ITPR3: variants seen among roughly 807,000 people sequenced by gnomAD.
The protein encoded by ITPR3 is inositol 1,4,5-trisphosphate receptor type 3.
A neutral mutation model predicts 293.2 loss-of-function variants in ITPR3; 173 were observed. That is an observed-to-expected ratio of 0.59 (90% CI 0.52 to 0.67). ITPR3 has a LOEUF of 0.67. Among genes scored for constraint, ITPR3 ranks in the 30% least tolerant of loss-of-function variants. The pLI, the probability that ITPR3 is intolerant of heterozygous loss-of-function variation, is 0.00. For synonymous variants in ITPR3, 1,295 were observed against 1,444.4 expected (o/e 0.90, Z 2.35); for missense variants, 2,796 against 3,592.1 (o/e 0.78, Z 5.66).
Position 33,692,066 on chromosome 6 carries a change from C to G in ITPR3, c.7458+138C>G. 2 of 1,144,848 alleles carry G rather than the reference C, an allele frequency of 1.7e-6. No individual in the cohort carries two copies. The highest frequency in any genetic ancestry group is 2.7e-5 in the South Asian group (2 of 73,492). The allele number at this position is 1,144,848 out of a possible 1,614,324, so 70.9% of individuals were successfully genotyped here. On this transcript the variant is annotated intron_variant, in intron 54 of 57. Transcript: ENST00000605930. This position sits in a 1 kb window ranked among gnomAD's most constrained non-coding sequence, Gnocchi z 4.2. ...TCCCCCGAACTTGTATCCACTTTTC[C>G]CTGCTTTCCACACCTGGCCAATTCC... is the stretch of plus-strand genomic sequence containing the variant.
In ITPR3 at chr6:33,676,773, G is replaced by A. The variant is rs1440244374; in HGVS notation, c.3288G>A (p.Gln1096=). The change falls in exon 26 of 58, where the codon CAG becomes CAA. Residue 1096 remains glutamine, a synonymous_variant. Coordinates refer to ENST00000605930, the MANE Select transcript of ITPR3 (RefSeq NM_002224.4). ...GGCCCATCCTCCACCTTCAGGTTCA[G>A]CTGCTGATCTCAGCGCAGGACGTGG... ...QEAMHTFKQV[Q]LLISAQDVEN... is the part of the protein sequence containing the mutation. 1.2e-6 allele frequency: 2 copies of A among 1,614,160 alleles called. No homozygotes were observed. Among genetic ancestry groups the A allele is most frequent in the Admixed American group, 3.3e-5 (2 of 60,026 alleles).
rs1375694767 is a variant in ITPR3 at position 33,624,570 on chromosome 6, C to T, written c.89+2879C>T. 1.3e-5 allele frequency among the ~76,000 whole-genome samples: 2 copies of T among 152,186 alleles called. No homozygotes were observed. The highest frequency in any genetic ancestry group is 3.9e-4 in the East Asian group (2 of 5,194). On this transcript the variant is annotated intron_variant, in intron 1 of 57. Coordinates refer to ENST00000605930, the MANE Select transcript of ITPR3 (RefSeq NM_002224.4). The surrounding 1 kb of genome is among the most constrained non-coding windows in gnomAD (Gnocchi z 4.7). The stretch of plus-strand genomic sequence containing the variant: ...TGCTCTGAGTGATTTTCTCTCTGCC[C>T]CATCCTCCTCAGAATCCTTCTGCCT...
chr6:33,657,854 C>A, intron 3 of ITPR3, 78 bp from the exon 4 acceptor site: 1 of 1,141,574 alleles, frequency 8.8e-7, no homozygotes, highest in East Asian at 2.5e-5. Context: ...TGTGTGCGTG[C>A]ATGTGTGGGG....
At chr6:33,646,115 C>T (rs1190055631) in intron 2 of ITPR3, among the ~76,000 whole-genome samples, 1 of 152,102 alleles carries the variant, frequency 6.6e-6, no homozygotes, top group African/African-American at 2.4e-5. Context: ...GGATTACAGG[C>T]GTGAGCCACC....
At chr6:33,665,362 C>T in intron 13 of ITPR3, 149 bp downstream of exon 13, 2 of 1,055,058 alleles carry the variant, frequency 1.9e-6, no homozygotes, top group Non-Finnish European at 2.7e-6. Flanking sequence ...GAGCCTGGGA[C>T]CCTGGAGTTG....
At chr6:33,663,674 C>A in intron 10 of ITPR3, 64 bp from the exon 11 acceptor site, 1 of 1,609,450 alleles carries the variant, frequency 6.2e-7, no homozygotes, top group African/African-American at 1.3e-5. Flanking sequence ...CAGGTGGGAT[C>A]CCAGGTGCTT....
chr6:33,657,446 G>T (rs1764334906), intron 3 of ITPR3, among the ~76,000 whole-genome samples: 1 of 152,150 alleles, frequency 6.6e-6, no homozygotes, highest in African/African-American at 2.4e-5. Flanking sequence ...CACAGTTTTG[G>T]GAGGGAAGGT....
At position 33,687,222 on chromosome 6, in the gene ITPR3, C is replaced by T; in HGVS notation, c.6076-4C>T. 1.5e-5 allele frequency: 24 copies of T among 1,610,374 alleles called. No individual in the cohort carries two copies. Among genetic ancestry groups the T allele is most frequent in the Middle Eastern group, 1.7e-4 (1 of 6,050 alleles). ...GAGCATTGGAACAGGCACTGCCCCT[C>T]CAGGTGGACGTCATCAAGAAGGCCT... On this transcript the variant is annotated splice_polypyrimidine_tract_variant and splice_region_variant and intron_variant, in intron 44 of 57. Coordinates refer to ENST00000605930, the MANE Select transcript of ITPR3 (RefSeq NM_002224.4). This position sits in a 1 kb window ranked among gnomAD's most constrained non-coding sequence, Gnocchi z 5.3.
intron 57 of ITPR3, 138 bp downstream of exon 57, chr6:33,695,223 C>T (rs188121608): frequency 2.2e-6 from 2 of 897,144 alleles, no homozygotes; most frequent in East Asian, 2.7e-5. Flanking sequence ...GGTGCCAAAC[C>T]CACTCTCCCC....
At position 33,682,063 on chromosome 6, in the gene ITPR3, G is replaced by T. The variant is rs1271380971; in HGVS notation, c.4477-461G>T. Among the ~76,000 whole-genome samples, 1 of 152,050 alleles carries T rather than the reference G, an allele frequency of 6.6e-6. No homozygotes were observed. The highest frequency in any genetic ancestry group is 6.5e-5 in the Admixed American group (1 of 15,272). On this transcript the variant is annotated intron_variant, in intron 33 of 57. Transcript: ENST00000605930. This position sits in a 1 kb window ranked among gnomAD's most constrained non-coding sequence, Gnocchi z 5.4. Reference sequence around the variant, plus strand: ...CGCCCGGCTAATTTTTGTATTTTTAGTAGAGACAGGGTTTCACCATGTTGG... The same window carrying T: ...CGCCCGGCTAATTTTTGTATTTTTATTAGAGACAGGGTTTCACCATGTTGG...
In ITPR3 at chr6:33,684,562, T is replaced by C. The variant is rs1451714914; in HGVS notation, c.5047-36T>C. ...CAGGCCAGTGGTCAGTGGTGGGCTG[T>C]ACCCACAATGGGGCCTCACTCCCAT... On this transcript the variant is annotated intron_variant, in intron 37 of 57. Transcript: ENST00000605930. The surrounding 1 kb of genome is among the most constrained non-coding windows in gnomAD (Gnocchi z 4.2). The C allele has an allele frequency of 1.2e-6, 2 of 1,606,828 alleles. No homozygotes were observed. Among genetic ancestry groups the C allele is most frequent in the South Asian group, 1.1e-5 (1 of 90,958 alleles).
rs1763514685 is a variant in ITPR3, at chr6:33,624,736, G to T, written c.89+3045G>T. On this transcript the variant is annotated intron_variant, in intron 1 of 57. Coordinates refer to ENST00000605930, the MANE Select transcript of ITPR3 (RefSeq NM_002224.4). The surrounding 1 kb of genome is among the most constrained non-coding windows in gnomAD (Gnocchi z 4.7). ...CCCAGGAGGTACCCAGTAAGGGCTGGATAAAAATGAATGTGTTGAAGGCAG... is the reference window on the plus strand; with the variant it reads ...CCCAGGAGGTACCCAGTAAGGGCTGTATAAAAATGAATGTGTTGAAGGCAG... 6.6e-6 allele frequency among the ~76,000 whole-genome samples: 1 copy of T among 152,238 alleles called. No homozygotes were observed. Among genetic ancestry groups the T allele is most frequent in the Non-Finnish European group, 1.5e-5 (1 of 68,046 alleles).
intron 1 of ITPR3, among the ~76,000 whole-genome samples, chr6:33,636,224 C>T (rs1763820629): frequency 6.6e-6 from 1 of 151,456 alleles, no homozygotes; most frequent in South Asian, 2.1e-4. Flanking sequence ...ATTGCTTGAA[C>T]CTTGGAGGCA....
At position 33,691,755 on chromosome 6, in the gene ITPR3, TA is replaced by T; in HGVS notation, c.7330+37del. The T allele has an allele frequency of 6.2e-7, 1 of 1,608,786 alleles. No individual in the cohort carries two copies. The highest frequency in any genetic ancestry group is 8.5e-7 in the Non-Finnish European group (1 of 1,178,116). ...TGTGTGTGCAGGAGTCTGTGTGGGG[TA>T]GGAGGAGCAGGCAGCCCGGGCCTCA... is the stretch of plus-strand genomic sequence containing the variant. On this transcript the variant is annotated intron_variant, in intron 53 of 57. Coordinates refer to ENST00000605930, the MANE Select transcript of ITPR3 (RefSeq NM_002224.4). The surrounding 1 kb of genome is among the most constrained non-coding windows in gnomAD (Gnocchi z 4.9).
Position 33,687,282 on chromosome 6 carries a change from G to T in ITPR3, c.6132G>T (p.Val2044=), listed in dbSNP as rs1177799932. 2.5e-6 allele frequency: 4 copies of T among 1,613,622 alleles called. No homozygotes were observed. The highest frequency in any genetic ancestry group is 3.4e-6 in the Non-Finnish European group (4 of 1,179,800). Reference sequence around the variant, plus strand: ...AGGAAGAGCGTGAGAACTCGGAGGTGAGCCCACGTGAAGTGGGCCATAACA... The same window carrying T: ...AGGAAGAGCGTGAGAACTCGGAGGTTAGCCCACGTGAAGTGGGCCATAACA... ...LQEEERENSE[V]SPREVGHNIY... The change falls in exon 45 of 58, where the codon GTG becomes GTT. Residue 2044 remains valine (V), a synonymous_variant. Transcript: ENST00000605930. This position sits in a 1 kb window ranked among gnomAD's most constrained non-coding sequence, Gnocchi z 5.3.
chr6:33,629,669 C>T lies in ITPR3; in HGVS notation c.89+7978C>T, dbSNP rs976503977. 4.6e-5 allele frequency among the ~76,000 whole-genome samples: 7 copies of T among 151,920 alleles called. No homozygotes were observed. In the East Asian group the frequency reaches 5.9e-4, roughly 13 times the overall value. On this transcript the variant is annotated intron_variant, in intron 1 of 57. Transcript: ENST00000605930. The stretch of plus-strand genomic sequence containing the variant: ...CTAATTTTTGTATTTTTAGTAGAGA[C>T]GGGTTTCACCATGTTGGGCAGGCTG...
chr6:33,688,735 C>T lies in ITPR3; in HGVS notation c.6648C>T (p.Asn2216=), dbSNP rs765440718. The change falls in exon 49 of 58, where the codon AAC becomes AAT. Residue 2216 remains asparagine (N), a synonymous_variant. Coordinates refer to ENST00000605930, the MANE Select transcript of ITPR3 (RefSeq NM_002224.4). ...SISFNLAVFI[N]IIIAFFYPYM... ...CCTTCAACCTGGCCGTGTTTATCAA[C>T]ATCATCATTGCCTTCTTCTACCCTT... The T allele has an allele frequency of 1.5e-5, 25 of 1,614,098 alleles. 1 individual carries two copies. In the East Asian group the frequency reaches 4.2e-4, roughly 27 times the overall value.
chr6:33,687,073 G>C lies in ITPR3; in HGVS notation c.6044G>C (p.Arg2015Pro). Residue 2015 changes from arginine (R) to proline (P), a missense_variant, in exon 44 of 58, where the codon CGA becomes CCA. Around this residue, in one of 8 missense-constraint regions of ITPR3, gnomAD observed 704 missense variants for 797.5 expected, o/e 0.88. Coordinates refer to ENST00000605930, the MANE Select transcript of ITPR3 (RefSeq NM_002224.4). This position sits in a 1 kb window ranked among gnomAD's most constrained non-coding sequence, Gnocchi z 5.3. ...CGGCATGACAGTGAAAATGCTGAGCGAATCCTCATCAGCCTGCGGCCCCAG... is the reference window on the plus strand; with the variant it reads ...CGGCATGACAGTGAAAATGCTGAGCCAATCCTCATCAGCCTGCGGCCCCAG... ...ESRHDSENAERILISLRPQEL... is the reference protein window; with the variant it reads ...ESRHDSENAEPILISLRPQEL... 6.2e-7 allele frequency: 1 copy of C among 1,614,042 alleles called. No homozygotes were observed. The highest frequency in any genetic ancestry group is 1.1e-5 in the South Asian group (1 of 91,080).
chr6:33,673,863 C>T, intron 23 of ITPR3, 143 bp downstream of exon 23: 2 of 977,210 alleles, frequency 2.0e-6, no homozygotes, highest in Non-Finnish European at 3.0e-6. Flanking sequence ...TTAATTGCCT[C>T]AGTGAGGGGG....
Sources: allele counts gnomAD v4.1 joint callset (sites outside exome capture counted in the v4.1 genomes callset), GRCh38; gene constraint gnomAD v4.1.1; regional missense constraint gnomAD v4.1.1; non-coding constraint Gnocchi (gnomAD v3.1); transcripts MANE v1.5; gene names NCBI Gene and HGNC (gene_info 2026-07-23, HGNC 2026-07-21).